PKIA: variants seen among roughly 807,000 people sequenced by gnomAD.
PKIA encodes the protein PKI-alpha.
PKIA carries 4 observed loss-of-function variants against 7.6 expected under a neutral mutation model. The observed-to-expected ratio is 0.52, with a 90% CI of 0.26 to 1.20. PKIA has a LOEUF of 1.20. Ranked by LOEUF, PKIA falls within the 50% of genes most tolerant of loss-of-function variation. The pLI, the probability that PKIA is intolerant of heterozygous loss-of-function variation, is 0.13. For missense variants in PKIA, 73 were observed against 86.2 expected (o/e 0.85, Z 0.61); for synonymous variants, 21 against 30.7 (o/e 0.68, Z 1.04).
chr8:78,578,290 A>C (rs1372930910), intron 2 of PKIA, among the ~76,000 whole-genome samples: 1 of 152,012 alleles, frequency 6.6e-6, no homozygotes, highest in African/African-American at 2.4e-5. Flanking sequence ...CTATTTTTAA[A>C]ATCTATTTAA....
chr8:78,571,555 G>C (rs866124242), intron 1 of PKIA, among the ~76,000 whole-genome samples: 1 of 152,186 alleles, frequency 6.6e-6, no homozygotes, highest in East Asian at 1.9e-4. Flanking sequence ...CCACTGGTGG[G>C]GATAACCCTG....
intron 1 of PKIA, among the ~76,000 whole-genome samples, chr8:78,546,452 C>CATAAATA: frequency 6.6e-6 from 1 of 152,096 alleles, no homozygotes; most frequent in East Asian, 1.9e-4. Context: ...CTGCATTTAT[C>CATAAATA]ATAAATAGCC....
chr8:78,581,189 A>C (rs1467960110), intron 2 of PKIA, among the ~76,000 whole-genome samples: 1 of 152,088 alleles, frequency 6.6e-6, no homozygotes, highest in East Asian at 1.9e-4. Context: ...GAAACATATC[A>C]AAGAATGACA....
chr8:78,567,365 T>G (rs887513532), intron 1 of PKIA, among the ~76,000 whole-genome samples: 6 of 152,168 alleles, frequency 3.9e-5, no homozygotes, highest in Admixed American at 6.6e-5. Flanking sequence ...TCCCCTTAGT[T>G]GTGACAATTT....
chr8:78,574,706 C>T (rs760218226), intron 2 of PKIA, among the ~76,000 whole-genome samples: 23 of 151,934 alleles, frequency 1.5e-4, no homozygotes, highest in Non-Finnish European at 2.1e-4. Flanking sequence ...TTCAGATATA[C>T]TTCTAATAAC....
At chr8:78,535,015 G>A (rs1237256148) in intron 1 of PKIA, 1 of 152,104 alleles carries the variant, frequency 6.6e-6, no homozygotes, top group Non-Finnish European at 1.5e-5. Flanking sequence ...GTAGATGCAG[G>A]CTATTTACTG....
chr8:78,571,838 C>A (rs1807556647), intron 1 of PKIA, among the ~76,000 whole-genome samples: 1 of 152,070 alleles, frequency 6.6e-6, no homozygotes, highest in African/African-American at 2.4e-5. Flanking sequence ...AGGGTCATCA[C>A]TGGTACAGAT....
chr8:78,571,084 A>G (rs1807536161), intron 1 of PKIA, among the ~76,000 whole-genome samples: 1 of 152,028 alleles, frequency 6.6e-6, no homozygotes, highest in South Asian at 2.1e-4. Context: ...GGTATACATT[A>G]GGTGTTCAGT....
At chr8:78,551,901 T>C (rs544816886) in intron 1 of PKIA, among the ~76,000 whole-genome samples, 2 of 152,160 alleles carry the variant, frequency 1.3e-5, no homozygotes, top group African/African-American at 4.8e-5. Flanking sequence ...TTCTGTGTTT[T>C]TCAGATGTGC....
chr8:78,517,676 C>A (rs182433227), intron 1 of PKIA, among the ~76,000 whole-genome samples: 5 of 152,140 alleles, frequency 3.3e-5, no homozygotes, highest in Admixed American at 2.6e-4. Context: ...TCCTATCCCT[C>A]GTCCTAGGAT....
chr8:78,517,849 G>C (rs557400929), intron 1 of PKIA, among the ~76,000 whole-genome samples: 26 of 152,256 alleles, frequency 1.7e-4, no homozygotes, highest in African/African-American at 6.3e-4. Flanking sequence ...GCCAGATTGT[G>C]GGGTATCTGT....
At chr8:78,553,178 C>T (rs1173805029) in intron 1 of PKIA, among the ~76,000 whole-genome samples, 3 of 151,146 alleles carry the variant, frequency 2.0e-5, no homozygotes, top group East Asian at 1.9e-4. Context: ...CTCCAGTACC[C>T]GTAAAAGCAC....
At chr8:78,556,426 A>G (rs1483423348) in intron 1 of PKIA, 1 of 149,236 alleles carries the variant, frequency 6.7e-6, no homozygotes, top group Non-Finnish European at 1.5e-5. Context: ...ATTATTTTTA[A>G]CAAAAATGGG....
intron 1 of PKIA, among the ~76,000 whole-genome samples, chr8:78,530,310 T>C (rs1806360023): frequency 1.3e-5 from 2 of 152,140 alleles, no homozygotes; most frequent in African/African-American, 4.8e-5. Flanking sequence ...AAGCCTGTTT[T>C]GTGCCATGGC....
intron 1 of PKIA, among the ~76,000 whole-genome samples, chr8:78,554,306 T>TA (rs1334375622): frequency 6.6e-6 from 1 of 151,950 alleles, no homozygotes. Context: ...GACAGCTAAA[T>TA]AGTAGGGAAG....
intron 1 of PKIA, among the ~76,000 whole-genome samples, chr8:78,517,432 TC>T (rs753495927): frequency 6.6e-6 from 1 of 152,186 alleles, no homozygotes; most frequent in Non-Finnish European, 1.5e-5. Context: ...TGCCAGTCCA[TC>T]CAGTTTTTCT....
At chr8:78,536,187 C>T (rs1806517301) in intron 1 of PKIA, among the ~76,000 whole-genome samples, 1 of 151,900 alleles carries the variant, frequency 6.6e-6, no homozygotes, top group African/African-American at 2.4e-5. Flanking sequence ...GAAATTTGTC[C>T]TATTACTATT....
At chr8:78,575,443 A>G (rs185639995) in intron 2 of PKIA, among the ~76,000 whole-genome samples, 73 of 151,568 alleles carry the variant, frequency 4.8e-4, no homozygotes, top group African/African-American at 1.7e-3. Flanking sequence ...TAAGATATCT[A>G]TTTTGTTTCA....
At chr8:78,587,145 T>C (rs1400810754) in intron 2 of PKIA, among the ~76,000 whole-genome samples, 2 of 152,230 alleles carry the variant, frequency 1.3e-5, no homozygotes, top group African/African-American at 2.4e-5. Flanking sequence ...GTCAGTGTTC[T>C]AATATCCTTT....
Sources: gnomAD v4.1 joint callset for allele counts (sites outside exome capture counted in the v4.1 genomes callset) on GRCh38, gnomAD v4.1.1 for gene constraint, MANE v1.5 for transcripts, NCBI Gene and HGNC (gene_info 2026-07-23, HGNC 2026-07-21) for gene names.